The following DLGAP2 variants were observed in gnomAD, a reference collection of about 807,000 sequenced individuals.
DLGAP2 encodes DLG associated protein 2.
DLGAP2 carries 26 observed loss-of-function variants against 100.3 expected under a neutral mutation model. That is an observed-to-expected ratio of 0.26 (90% CI 0.19 to 0.36). The LOEUF (loss-of-function observed/expected upper bound fraction) is 0.36, where lower values mean the gene tolerates loss of function less well. DLGAP2 is among the 10% of genes least tolerant of loss of function. The pLI, the probability that DLGAP2 is intolerant of heterozygous loss-of-function variation, is 1.00. For missense variants in DLGAP2, 1,858 were observed against 1,453.2 expected (o/e 1.28, Z -4.53); for synonymous variants, 886 against 630.1 (o/e 1.41, Z -6.08).
At chr8:1,043,226 GAT>G (rs1249336472) in intron 2 of DLGAP2, among the ~76,000 whole-genome samples, 8 of 111,822 alleles carry the variant, frequency 7.2e-5, no homozygotes, top group African/African-American at 9.8e-5. Flanking sequence ...GTGGGTGGTG[GAT>G]GTGGGTGGTG....
intron 1 of DLGAP2, chr8:893,052 G>T (rs559581207): frequency 1.3e-5 from 2 of 152,168 alleles, no homozygotes; most frequent in African/African-American, 2.4e-5. Flanking sequence ...AGGAAAGCCC[G>T]GGGCTAAAGA....
At chr8:1,362,736 G>A (rs1563106106) in intron 3 of DLGAP2, among the ~76,000 whole-genome samples, 1 of 152,240 alleles carries the variant, frequency 6.6e-6, no homozygotes, top group Non-Finnish European at 1.5e-5. Context: ...AAGAGCCAAA[G>A]CCTTAGTGTC....
At chr8:1,113,956 A>G (rs902828196) in intron 2 of DLGAP2, among the ~76,000 whole-genome samples, 3 of 152,178 alleles carry the variant, frequency 2.0e-5, no homozygotes, top group South Asian at 4.1e-4. Flanking sequence ...TGAGACAATC[A>G]TATGGTTTTT....
intron 3 of DLGAP2, among the ~76,000 whole-genome samples, chr8:1,343,879 C>G (rs1378697012): frequency 7.2e-5 from 11 of 152,166 alleles, no homozygotes. Flanking sequence ...GGAGCTCAGC[C>G]CTCTCACGCT....
chr8:749,784 G>A (rs1186618818), intron 1 of DLGAP2, among the ~76,000 whole-genome samples: 2 of 152,188 alleles, frequency 1.3e-5, no homozygotes, highest in Admixed American at 6.5e-5. Flanking sequence ...ACGGCAGAGC[G>A]CGCTCTTGGT....
chr8:1,325,014 G>T (rs1248529649), intron 3 of DLGAP2, among the ~76,000 whole-genome samples: 1 of 152,142 alleles, frequency 6.6e-6, no homozygotes, highest in Admixed American at 6.5e-5. Context: ...ACTTCCCCAG[G>T]CCAGATCATT....
At chr8:1,339,561 C>T (rs966175126) in intron 3 of DLGAP2, among the ~76,000 whole-genome samples, 1 of 152,216 alleles carries the variant, frequency 6.6e-6, no homozygotes, top group African/African-American at 2.4e-5. Flanking sequence ...AAGTAGTCTT[C>T]AGTATTTCTC....
intron 6 of DLGAP2, among the ~76,000 whole-genome samples, chr8:1,583,094 G>A (rs1795998940): frequency 6.6e-6 from 1 of 152,220 alleles, no homozygotes; most frequent in Non-Finnish European, 1.5e-5. Context: ...ACAGAATCCT[G>A]TGAAGCCATT....
intron 1 of DLGAP2, among the ~76,000 whole-genome samples, chr8:779,241 G>T (rs1488338141): frequency 3.9e-5 from 6 of 152,174 alleles, no homozygotes; most frequent in African/African-American, 1.4e-4. Context: ...CCCACTCTCT[G>T]GCCCTCCCTA....
intron 5 of DLGAP2, among the ~76,000 whole-genome samples, chr8:1,564,154 G>A (rs141997973): frequency 6.6e-6 from 1 of 152,224 alleles, no homozygotes; most frequent in East Asian, 1.9e-4. Flanking sequence ...CTTTGTAAAC[G>A]TGAGTTTGAC....
intron 1 of DLGAP2, among the ~76,000 whole-genome samples, chr8:791,632 T>G (rs1225745578): frequency 6.6e-6 from 1 of 152,236 alleles, no homozygotes; most frequent in Admixed American, 6.5e-5. Flanking sequence ...GTGAATTTTT[T>G]TGATGTAATA....
At chr8:1,179,555 C>G (rs920309539) in intron 2 of DLGAP2, among the ~76,000 whole-genome samples, 9 of 152,378 alleles carry the variant, frequency 5.9e-5, no homozygotes, top group African/African-American at 2.2e-4. Flanking sequence ...TCCTTTTACT[C>G]AAGACGGTGG....
At chr8:1,462,866 T>TTAG (rs1412924360) in intron 3 of DLGAP2, among the ~76,000 whole-genome samples, 1 of 152,206 alleles carries the variant, frequency 6.6e-6, no homozygotes, top group African/African-American at 2.4e-5. Flanking sequence ...TCTGAAACGA[T>TTAG]TAGTTCAAGA....
intron 3 of DLGAP2, among the ~76,000 whole-genome samples, chr8:1,452,251 CCA>C (rs1798183447): frequency 4.6e-5 from 7 of 152,202 alleles, no homozygotes; most frequent in Non-Finnish European, 1.0e-4. Context: ...TGTTCTGTGG[CCA>C]TGTGTTCTGT....
chr8:1,221,281 A>G (rs955649293), intron 2 of DLGAP2, among the ~76,000 whole-genome samples: 2 of 152,196 alleles, frequency 1.3e-5, no homozygotes, highest in African/African-American at 4.8e-5. Context: ...ACCTCTTCGA[A>G]GGCAGGTCTG....
At chr8:773,231 C>T (rs992284737) in intron 1 of DLGAP2, among the ~76,000 whole-genome samples, 2 of 152,096 alleles carry the variant, frequency 1.3e-5, no homozygotes, top group Non-Finnish European at 2.9e-5. Flanking sequence ...TGATTTCTCA[C>T]AGTGTTTTCA....
At chr8:769,968 C>G (rs1821315486) in intron 1 of DLGAP2, among the ~76,000 whole-genome samples, 2 of 152,172 alleles carry the variant, frequency 1.3e-5, no homozygotes, top group South Asian at 4.1e-4. Context: ...CAGCTCTACA[C>G]AGGAGGGTTT....
At position 1,292,879 on chromosome 8, in the gene DLGAP2, G is replaced by A. The variant is rs879080441; in HGVS notation, c.106+33996G>A. Among the ~76,000 whole-genome samples, 6 of 152,056 alleles carry A rather than the reference G, an allele frequency of 3.9e-5. No individual in the cohort carries two copies. The East Asian group carries it at 9.7e-4, about 25-fold the overall frequency. Reference sequence around the variant, plus strand: ...CTACGCTGCCTCCTCCAGCAACAGTGCCCACCCCGTGCGTGGGTCAGGGTC... The same window carrying A: ...CTACGCTGCCTCCTCCAGCAACAGTACCCACCCCGTGCGTGGGTCAGGGTC... On this transcript the variant is annotated intron_variant, in intron 3 of 14. Coordinates refer to ENST00000637795, the MANE Select transcript of DLGAP2 (RefSeq NM_001346810.2).
chr8:1,182,600 A>G (rs1252705570), intron 2 of DLGAP2, among the ~76,000 whole-genome samples: 1 of 152,198 alleles, frequency 6.6e-6, no homozygotes, highest in Non-Finnish European at 1.5e-5. Context: ...GAATTGTGTC[A>G]CTAGGAAATG....
Sources: allele counts gnomAD v4.1 joint callset (sites outside exome capture counted in the v4.1 genomes callset), GRCh38; gene constraint gnomAD v4.1.1; transcripts MANE v1.5; gene names NCBI Gene and HGNC (gene_info 2026-07-23, HGNC 2026-07-21).